Variants in SGCZ observed in about 807,000 individuals in gnomAD.
SGCZ encodes the protein sarcoglycan zeta, also known as zeta-sarcoglycan.
In SGCZ, 40 loss-of-function variants were observed where a neutral mutation model predicts 41.3. That is an observed-to-expected ratio of 0.97 (90% CI 0.75 to 1.26). SGCZ has a LOEUF of 1.26. Among genes scored for constraint, SGCZ ranks in the 50% most tolerant of loss-of-function variants. The pLI, the probability that SGCZ is intolerant of heterozygous loss-of-function variation, is 0.00. For missense variants in SGCZ, 552 were observed against 369.8 expected (o/e 1.49, Z -4.04); for synonymous variants, 206 against 137.5 (o/e 1.50, Z -3.49).
At chr8:15,155,798 C>T (rs1799313111) in intron 1 of SGCZ, among the ~76,000 whole-genome samples, 1 of 152,094 alleles carries the variant, frequency 6.6e-6, no homozygotes, top group African/African-American at 2.4e-5. Context: ...TGACTTACAC[C>T]TGTTATCCTA....
chr8:14,163,457 T>A (rs1804108805), intron 5 of SGCZ, among the ~76,000 whole-genome samples: 1 of 152,262 alleles, frequency 6.6e-6, no homozygotes, highest in East Asian at 1.9e-4. Flanking sequence ...TTAATACACC[T>A]TTCTTGAAAT....
At position 15,165,606 on chromosome 8, in the gene SGCZ, C is replaced by A. The variant is rs193004633; in HGVS notation, c.39+71979G>T. On this transcript the variant is annotated intron_variant, in intron 1 of 7. Transcript: ENST00000382080. ...AATTAAAGCAACTTACCAAGTTTTA[C>A]CTTGAAGTTCAAAATTGCTAGGAGT... Among the ~76,000 whole-genome samples the A allele has an allele frequency of 3.0e-4, 46 of 152,178 alleles. No individual in the cohort carries two copies. In the East Asian group the frequency reaches 7.2e-3, roughly 24 times the overall value.
In SGCZ at chr8:14,283,900, AC is replaced by A. The variant is rs528862058; in HGVS notation, c.336+40202del. Among the ~76,000 whole-genome samples, 27 of 152,120 alleles carry A rather than the reference AC, an allele frequency of 1.8e-4. 1 individual carries two copies. In the South Asian group the frequency reaches 2.5e-3, roughly 14 times the overall value. The stretch of plus-strand genomic sequence containing the variant: ...AAAAAAATTTCAATTGACCTAAGAA[AC>A]TTTTGTAGAATTTGTTCTTGTTTAA... On this transcript the variant is annotated intron_variant, in intron 3 of 7. Coordinates refer to ENST00000382080, the MANE Select transcript of SGCZ (RefSeq NM_139167.4).
rs761631100 is a variant in SGCZ at position 14,781,118 on chromosome 8, C to G, written c.40-226192G>C. Among the ~76,000 whole-genome samples the G allele has an allele frequency of 2.7e-4, 41 of 152,252 alleles. 1 individual carries two copies. The highest frequency in any genetic ancestry group is 1.7e-3 in the South Asian group (8 of 4,824). Reference sequence around the variant, plus strand: ...CTGACTCAGTATTACCATCATATTACGTACTAATTAGAAACATGGCTTATT... The same window carrying G: ...CTGACTCAGTATTACCATCATATTAGGTACTAATTAGAAACATGGCTTATT... On this transcript the variant is annotated intron_variant, in intron 1 of 7. Coordinates refer to ENST00000382080, the MANE Select transcript of SGCZ (RefSeq NM_139167.4).
At chr8:14,371,549 C>A (rs1168637150) in intron 2 of SGCZ, among the ~76,000 whole-genome samples, 1 of 151,960 alleles carries the variant, frequency 6.6e-6, no homozygotes, top group Non-Finnish European at 1.5e-5. Flanking sequence ...ATTTTTGGGG[C>A]ATTCTAAGAT....
At chr8:14,310,587 T>G (rs1015358627) in intron 3 of SGCZ, among the ~76,000 whole-genome samples, 3 of 152,156 alleles carry the variant, frequency 2.0e-5, no homozygotes, top group African/African-American at 7.2e-5. Flanking sequence ...TTAGGTTATT[T>G]TGCTTTGGTT....
At chr8:14,871,733 G>C (rs891942847) in intron 1 of SGCZ, among the ~76,000 whole-genome samples, 7 of 152,010 alleles carry the variant, frequency 4.6e-5, no homozygotes, top group Non-Finnish European at 5.9e-5. Flanking sequence ...GAACTCAGGA[G>C]GCAGGGGTTG....
At chr8:15,060,672 A>C (rs1481291999) in intron 1 of SGCZ, among the ~76,000 whole-genome samples, 1 of 5,716 alleles carries the variant, frequency 1.7e-4, no homozygotes, top group African/African-American at 4.0e-4. Context: ...TAAAGTATTA[A>C]AAAAAAAAAA....
chr8:14,749,509 G>A (rs2130311156), intron 1 of SGCZ, among the ~76,000 whole-genome samples: 2 of 152,238 alleles, frequency 1.3e-5, no homozygotes, highest in South Asian at 4.1e-4. Flanking sequence ...GAACTATCAG[G>A]ATACAAGTAT....
At chr8:15,009,402 T>C (rs572409031) in intron 1 of SGCZ, among the ~76,000 whole-genome samples, 2 of 152,304 alleles carry the variant, frequency 1.3e-5, no homozygotes, top group African/African-American at 2.4e-5. Flanking sequence ...ACCTCCAACG[T>C]TGGGTATTAC....
chr8:14,462,146 G>T (rs1431341826), intron 2 of SGCZ, among the ~76,000 whole-genome samples: 1 of 151,858 alleles, frequency 6.6e-6, no homozygotes, highest in South Asian at 2.1e-4. Context: ...TTAACATTGT[G>T]ACACTCAATT....
At chr8:15,037,495 T>C (rs1228517418) in intron 1 of SGCZ, among the ~76,000 whole-genome samples, 3 of 152,192 alleles carry the variant, frequency 2.0e-5, no homozygotes, top group African/African-American at 7.2e-5. Flanking sequence ...CTAATACATA[T>C]GAGAAACCTA....
At chr8:14,356,453 T>C (rs1803295637) in intron 2 of SGCZ, among the ~76,000 whole-genome samples, 1 of 152,148 alleles carries the variant, frequency 6.6e-6, no homozygotes, top group African/African-American at 2.4e-5. Flanking sequence ...ATACTGTATA[T>C]TAATGAAAGA....
intron 2 of SGCZ, among the ~76,000 whole-genome samples, chr8:14,429,070 C>G (rs980962932): frequency 6.6e-6 from 1 of 152,172 alleles, no homozygotes; most frequent in Non-Finnish European, 1.5e-5. Context: ...AAACTTGGCA[C>G]TGAAGAAACT....
intron 7 of SGCZ, among the ~76,000 whole-genome samples, chr8:14,094,848 T>A (rs1022587734): frequency 6.6e-6 from 1 of 152,212 alleles, no homozygotes; most frequent in Non-Finnish European, 1.5e-5. Context: ...TGAGATGGTA[T>A]CTCATTGTGG....
chr8:14,943,487 C>G (rs549899894), intron 1 of SGCZ, among the ~76,000 whole-genome samples: 2 of 152,230 alleles, frequency 1.3e-5, no homozygotes, highest in South Asian at 4.2e-4. Flanking sequence ...CCTGCACAGG[C>G]CAGCTGGAAG....
intron 5 of SGCZ, among the ~76,000 whole-genome samples, chr8:14,143,780 C>T (rs1803442754): frequency 6.6e-6 from 1 of 152,164 alleles, no homozygotes; most frequent in Admixed American, 6.5e-5. Context: ...CTCTACACCC[C>T]ACCCTCCCTA....
intron 1 of SGCZ, among the ~76,000 whole-genome samples, chr8:14,931,391 A>G (rs1799919378): frequency 6.6e-6 from 1 of 152,122 alleles, no homozygotes; most frequent in African/African-American, 2.4e-5. Context: ...AATAATAGAT[A>G]AAATTCAATA....
At chr8:14,503,097 A>G (rs921019446) in intron 2 of SGCZ, among the ~76,000 whole-genome samples, 3 of 152,214 alleles carry the variant, frequency 2.0e-5, no homozygotes, top group Non-Finnish European at 4.4e-5. Context: ...CATACACACC[A>G]TGTATTACTA....
Sources: allele counts gnomAD v4.1 joint callset (sites outside exome capture counted in the v4.1 genomes callset), GRCh38; gene constraint gnomAD v4.1.1; transcripts MANE v1.5; gene names NCBI Gene and HGNC (gene_info 2026-07-23, HGNC 2026-07-21).